Variants in PDE4D observed in about 807,000 individuals in gnomAD.
PDE4D encodes phosphodiesterase 4D.
PDE4D carries 24 observed loss-of-function variants against 87.4 expected under a neutral mutation model. The ratio of observed to expected loss-of-function variants is 0.27; its 90% CI spans 0.20 to 0.39. PDE4D has a LOEUF of 0.39. PDE4D is among the 10% of genes least tolerant of loss of function. The pLI is 1.00. For missense variants in PDE4D, 714 were observed against 1,041.0 expected, an observed-to-expected ratio of 0.69 and a Z score of 4.32; for synonymous variants, 384 against 383.2, an observed-to-expected ratio of 1.00 and a Z score of -0.02.
chr5:60,143,603 T>TTGTGTGTG lies in PDE4D; in HGVS notation c.42+41946_42+41953dup, dbSNP rs34236719. Among the ~76,000 whole-genome samples the TTGTGTGTG allele has an allele frequency of 3.6e-3, 420 of 117,748 alleles. 8 individuals are homozygous for TTGTGTGTG. Among genetic ancestry groups the TTGTGTGTG allele is most frequent in the African/African-American group, 0.011 (326 of 30,154 alleles). The allele number at this position is 117,748 out of a possible 152,430, so 77.2% of individuals were successfully genotyped here. A position where few individuals can be genotyped will look rare whatever the true frequency, so the allele number is the denominator to read the frequency against. On this transcript the variant is annotated intron_variant, in intron 2 of 16. Transcript: ENST00000502484. ...AAATGACCTAGGAGCAGCTTGGGAA[T>TTGTGTGTG]TGTGTGTGTGTGTGTGTGTGTGTGT...
intron 1 of PDE4D, among the ~76,000 whole-genome samples, chr5:60,478,901 T>C (rs77433103): frequency 1.5e-3 from 231 of 152,296 alleles, no homozygotes; most frequent in African/African-American, 5.4e-3. Context: ...GTGAACCAAA[T>C]CGAGAACATT....
intron 3 of PDE4D, among the ~76,000 whole-genome samples, chr5:59,974,987 G>A (rs1056697080): frequency 1.3e-5 from 2 of 152,134 alleles, no homozygotes; most frequent in African/African-American, 4.8e-5. Flanking sequence ...TGGATTCAGG[G>A]TAAGGTACTC....
intron 1 of PDE4D, among the ~76,000 whole-genome samples, chr5:59,228,141 C>G (rs529459810): frequency 1.3e-5 from 2 of 152,090 alleles, no homozygotes; most frequent in African/African-American, 4.8e-5. Flanking sequence ...TTTTAGCAAA[C>G]TAATGCAGGA....
At chr5:60,058,627 A>G (rs1771041308) in intron 2 of PDE4D, among the ~76,000 whole-genome samples, 1 of 151,928 alleles carries the variant, frequency 6.6e-6, no homozygotes, top group Non-Finnish European at 1.5e-5. Context: ...TTTCTACATA[A>G]AGCTCTTTTA....
chr5:58,988,126 G>A (rs1746926585), intron 11 of PDE4D, among the ~76,000 whole-genome samples: 1 of 152,074 alleles, frequency 6.6e-6, no homozygotes, highest in African/African-American at 2.4e-5. Flanking sequence ...ATTAAATGAT[G>A]ACCTACATAA....
intron 3 of PDE4D, among the ~76,000 whole-genome samples, chr5:59,926,202 T>C (rs1264915863): frequency 1.3e-5 from 2 of 151,530 alleles, no homozygotes; most frequent in Non-Finnish European, 2.9e-5. Flanking sequence ...TAGAAATCAA[T>C]AAGAGGAATT....
In PDE4D at chr5:59,758,270, T is replaced by G. The variant is rs79855647; in HGVS notation, c.455+134898A>C. On this transcript the variant is annotated intron_variant, in intron 1 of 14. Transcript: ENST00000340635. ...CGGTTAACAATACTTACATCCAACC[T>G]TGGTTGTTTTAAGGGGTTAATGTAC... is the stretch of plus-strand genomic sequence containing the variant. Among the ~76,000 whole-genome samples, 999 of 152,264 alleles carry G rather than the reference T, an allele frequency of 6.6e-3. 9 individuals carry two copies. The highest frequency in any genetic ancestry group is 0.023 in the African/African-American group (955 of 41,558).
intron 2 of PDE4D, chr5:60,021,979 C>G (rs1353437972): frequency 2.6e-5 from 4 of 152,160 alleles, no homozygotes; most frequent in Non-Finnish European, 5.9e-5. Context: ...TCCCAAAGTG[C>G]AAGGATTGCA....
chr5:60,235,021 G>A (rs1307229684), intron 1 of PDE4D, among the ~76,000 whole-genome samples: 1 of 151,798 alleles, frequency 6.6e-6, no homozygotes. Flanking sequence ...CTGTGTTCTA[G>A]ATAACAGGCT....
Position 59,598,357 on chromosome 5 carries a change from T to G in PDE4D, c.455+294811A>C, listed in dbSNP as rs141514775. ...AATCAAACAGGGACTGGAGCAAAAA[T>G]AAAAAGCAGGAAGTGGGCAACATAG... On this transcript the variant is annotated intron_variant, in intron 1 of 14. Transcript: ENST00000340635. 5.3e-5 allele frequency among the ~76,000 whole-genome samples: 8 copies of G among 152,044 alleles called. No individual in the cohort carries two copies. In the East Asian group the frequency reaches 1.5e-3, roughly 29 times the overall value.
At chr5:60,166,807 C>A (rs909246521) in intron 2 of PDE4D, among the ~76,000 whole-genome samples, 20 of 151,726 alleles carry the variant, frequency 1.3e-4, no homozygotes, top group African/African-American at 4.8e-4. Flanking sequence ...TAAAAGATGG[C>A]TTTTCTGTGT....
intron 1 of PDE4D, among the ~76,000 whole-genome samples, chr5:60,391,056 A>G (rs1355832510): frequency 6.6e-6 from 1 of 152,114 alleles, no homozygotes; most frequent in Non-Finnish European, 1.5e-5. Flanking sequence ...ACTTATCGCT[A>G]TCTAATATAT....
intron 3 of PDE4D, among the ~76,000 whole-genome samples, chr5:59,901,695 G>A (rs1752278124): frequency 6.6e-6 from 1 of 152,020 alleles, no homozygotes; most frequent in African/African-American, 2.4e-5. Context: ...TAGTTATCAG[G>A]GAGATGCAAA....
intron 2 of PDE4D, among the ~76,000 whole-genome samples, chr5:60,104,581 AC>A (rs1776648104): frequency 6.6e-6 from 1 of 152,024 alleles, no homozygotes; most frequent in Non-Finnish European, 1.5e-5. Flanking sequence ...CTGACCCCTG[AC>A]CCCCGAGCAG....
chr5:59,878,830 C>T (rs982685638), intron 1 of PDE4D, among the ~76,000 whole-genome samples: 2 of 150,438 alleles, frequency 1.3e-5, no homozygotes, highest in African/African-American at 4.9e-5. Context: ...GCAATAAACA[C>T]CTAAATCACA....
intron 1 of PDE4D, among the ~76,000 whole-genome samples, chr5:60,342,684 G>T (rs1171798793): frequency 7.9e-6 from 1 of 126,120 alleles, no homozygotes; most frequent in African/African-American, 4.0e-5. Flanking sequence ...TAGGATAATC[G>T]GAAAACCAAT....
chr5:59,450,943 C>T (rs1414866397), intron 1 of PDE4D, among the ~76,000 whole-genome samples: 1 of 151,796 alleles, frequency 6.6e-6, no homozygotes, highest in African/African-American at 2.4e-5. Flanking sequence ...AAATAAGATC[C>T]CTCTCAATTC....
At chr5:59,948,091 T>C (rs1757904795) in intron 3 of PDE4D, among the ~76,000 whole-genome samples, 3 of 152,174 alleles carry the variant, frequency 2.0e-5, no homozygotes, top group Admixed American at 1.3e-4. Context: ...ATGTAAAAAA[T>C]GGACCTCAAA....
At chr5:60,336,080 A>G (rs1307628518) in intron 1 of PDE4D, among the ~76,000 whole-genome samples, 1 of 152,202 alleles carries the variant, frequency 6.6e-6, no homozygotes, top group African/African-American at 2.4e-5. Flanking sequence ...CACAACTGCT[A>G]CCACTCCGAC....
Sources: allele counts gnomAD v4.1 joint callset (sites outside exome capture counted in the v4.1 genomes callset), GRCh38; gene constraint gnomAD v4.1.1; transcripts MANE v1.5; gene names NCBI Gene and HGNC (gene_info 2026-07-23, HGNC 2026-07-21).